Variants in NGRN observed in about 807,000 individuals in gnomAD.
NGRN encodes the protein neugrin, neurite outgrowth associated, also known as neugrin.
A neutral mutation model predicts 13.1 loss-of-function variants in NGRN; 12 were observed. That is an observed-to-expected ratio of 0.92 (90% CI 0.59 to 1.49). The LOEUF is 1.49. NGRN is among the 40% of genes most tolerant of loss of function. The pLI, the probability that NGRN is intolerant of heterozygous loss-of-function variation, is 0.00. For missense variants in NGRN, 397 were observed against 357.0 expected, an observed-to-expected ratio of 1.11 and a Z score of -0.90; for synonymous variants, 149 against 145.8, an observed-to-expected ratio of 1.02 and a Z score of -0.16.
intron 2 of NGRN, among the ~76,000 whole-genome samples, chr15:90,267,895 C>G (rs2006855151): frequency 6.6e-6 from 1 of 152,158 alleles, no homozygotes; most frequent in African/African-American, 2.4e-5. Flanking sequence ...CAGAATGACT[C>G]TGGAATTGAA....
At position 90,272,111 on chromosome 15, in the gene NGRN, T is replaced by C. The variant is rs1434228836; in HGVS notation, c.*323T>C. The C allele has an allele frequency of 3.3e-6, 1 of 303,432 alleles. No individual in the cohort carries two copies. The highest frequency in any genetic ancestry group is 6.2e-6 in the Non-Finnish European group (1 of 162,130). The allele number at this position is 303,432 out of a possible 1,614,324, so 18.8% of individuals were successfully genotyped here. A position where few individuals can be genotyped will look rare whatever the true frequency, so the allele number is the denominator to read the frequency against. On this transcript the variant is annotated 3_prime_UTR_variant, in exon 3 of 3. Transcript: ENST00000379095. ...TTTGAGAAGAAGTGAAAAGTTTGCC[T>C]TCTGACCTCATTTCCTTCTTGATCA... is the stretch of plus-strand genomic sequence containing the variant.
intron 2 of NGRN, among the ~76,000 whole-genome samples, chr15:90,268,405 A>C (rs1201585876): frequency 1.3e-5 from 2 of 151,536 alleles, no homozygotes; most frequent in African/African-American, 2.4e-5. Flanking sequence ...AAAAAAAAAA[A>C]CAGTCCATTA....
chr15:90,270,149 G>T (rs907475762), intron 2 of NGRN, among the ~76,000 whole-genome samples: 1 of 152,112 alleles, frequency 6.6e-6, no homozygotes, highest in African/African-American at 2.4e-5. Flanking sequence ...TCCTGCCTCA[G>T]CCTCTCAAAG....
At position 90,271,174 on chromosome 15, in the gene NGRN, CCTT is replaced by C. The variant is rs760467158; in HGVS notation, c.276-9_276-7del. ...CTTCTTCACAACTTGCAAACCTGCTCCTTCTTCCCGTAGGTATTTACATGAGGA... is the reference window on the plus strand; with the variant it reads ...CTTCTTCACAACTTGCAAACCTGCTCCTTCCCGTAGGTATTTACATGAGGA... On this transcript the variant is annotated splice_polypyrimidine_tract_variant and intron_variant, in intron 2 of 2. Transcript: ENST00000379095. 445 of 1,600,450 alleles carry C rather than the reference CCTT, an allele frequency of 2.8e-4. No homozygotes were observed. The highest frequency in any genetic ancestry group is 3.6e-4 in the Non-Finnish European group (419 of 1,173,394).
At chr15:90,269,286 G>C (rs1284281857) in intron 2 of NGRN, among the ~76,000 whole-genome samples, 1 of 150,558 alleles carries the variant, frequency 6.6e-6, no homozygotes, top group Non-Finnish European at 1.5e-5. Context: ...AAAGTGCTGG[G>C]ATTACAGGCG....
At chr15:90,267,992 C>CT (rs1424108264) in intron 2 of NGRN, among the ~76,000 whole-genome samples, 2 of 151,688 alleles carry the variant, frequency 1.3e-5, no homozygotes, top group East Asian at 1.9e-4. Context: ...TCTAGCTCCT[C>CT]TTTTTTTCGT....
In NGRN at chr15:90,266,344, A is replaced by C. The variant is rs933187991; in HGVS notation, c.221A>C (p.Glu74Ala). Residue 74 changes from glutamate (E) to alanine (A), a missense_variant, in exon 2 of 3, where the codon GAG (glutamate) becomes GCG (alanine). Coordinates refer to ENST00000379095, the MANE Select transcript of NGRN (RefSeq NM_001033088.3). The part of the protein sequence containing the change: ...IRFQKIRRQM[E>A]APGAPPRTLT... The stretch of plus-strand genomic sequence containing the variant: ...TTCCAGAAAATTCGGAGGCAAATGG[A>C]GGCGCCTGGTGCCCCGCCCAGGACC... The C allele has an allele frequency of 6.2e-7, 1 of 1,613,816 alleles. No individual in the cohort carries two copies. Among genetic ancestry groups the C allele is most frequent in the African/African-American group, 1.3e-5 (1 of 74,908 alleles).
At chr15:90,265,966 C>T in intron 1 of NGRN, 90 bp downstream of exon 1, 1 of 1,421,360 alleles carries the variant, frequency 7.0e-7, no homozygotes, top group Non-Finnish European at 9.1e-7. Flanking sequence ...GGTGTCCTGC[C>T]GCTGCTTGCG....
In NGRN at chr15:90,271,359, G is replaced by A. The variant is rs758682740; in HGVS notation, c.447G>A (p.Ser149=). 1.7e-5 allele frequency: 28 copies of A among 1,613,896 alleles called. No homozygotes were observed. The highest frequency in any genetic ancestry group is 4.0e-5 in the African/African-American group (3 of 74,892). The change falls in exon 3 of 3, where the codon TCG becomes TCA. Residue 149 remains serine, a synonymous_variant. Transcript: ENST00000379095. Reference sequence around the variant, plus strand: ...TTAAGAAAGCTGGGCTTGCCCACTCGCTGCAGCACCTCCGGGGCTCTGGAA... The same window carrying A: ...TTAAGAAAGCTGGGCTTGCCCACTCACTGCAGCACCTCCGGGGCTCTGGAA... ...KVLKKAGLAH[S]LQHLRGSGNT...
Position 90,271,290 on chromosome 15 carries a change from T to G in NGRN, c.378T>G (p.Phe126Leu). Residue 126 changes from phenylalanine (F) to leucine (L), a missense_variant, in exon 3 of 3, where the codon TTT (phenylalanine) becomes TTG (leucine). Physicochemically the swap from Phe to Leu is conservative, Grantham distance 22. Coordinates refer to ENST00000379095, the MANE Select transcript of NGRN (RefSeq NM_001033088.3). Reference protein sequence around the residue: ...DVIRRVLKSKFLPTLEQKLKQ... With the variant: ...DVIRRVLKSKLLPTLEQKLKQ... Reference sequence around the variant, plus strand: ...TCCGAAGAGTTTTAAAAAGCAAGTTTTTACCCACATTGGAGCAGAAGCTGA... The same window carrying G: ...TCCGAAGAGTTTTAAAAAGCAAGTTGTTACCCACATTGGAGCAGAAGCTGA... 6.2e-7 allele frequency: 1 copy of G among 1,614,044 alleles called. No homozygotes were observed. The highest frequency in any genetic ancestry group is 8.5e-7 in the Non-Finnish European group (1 of 1,180,012).
At chr15:90,269,214 C>T (rs1382931951) in intron 2 of NGRN, among the ~76,000 whole-genome samples, 1 of 131,252 alleles carries the variant, frequency 7.6e-6, no homozygotes, top group Non-Finnish European at 1.5e-5. Flanking sequence ...TTGGGTTCAG[C>T]GTGTTGGCCA....
chr15:90,266,025 T>G (rs1963412116), intron 1 of NGRN, 149 bp downstream of exon 1: 2 of 1,390,398 alleles, frequency 1.4e-6, no homozygotes, highest in Middle Eastern at 5.3e-4. Context: ...CAGCGTCAGG[T>G]GTTCAGCTCC....
Position 90,271,662 on chromosome 15 carries a change from T to A in NGRN, c.750T>A (p.Gly250=), listed in dbSNP as rs370104771. 7 of 1,614,136 alleles carry A rather than the reference T, an allele frequency of 4.3e-6. No homozygotes were observed. The highest frequency in any genetic ancestry group is 1.3e-5 in the African/African-American group (1 of 75,044). The change falls in exon 3 of 3, where the codon GGT becomes GGA. Residue 250 remains glycine (G), a synonymous_variant. Transcript: ENST00000379095. ...DSESPRGTGS[G]ALPSGQKLEE... The stretch of plus-strand genomic sequence containing the variant: ...AGAGCCCCAGAGGAACTGGCAGTGG[T>A]GCGTTGCCAAGTGGTCAGAAGCTGG...
In NGRN at chr15:90,271,870, A is replaced by T; in HGVS notation, c.*82A>T. 1 of 1,543,350 alleles carries T rather than the reference A, an allele frequency of 6.5e-7. No individual in the cohort carries two copies. ...TATATGGAACAGCCTGGATTTCTGCATATGGATAAGCCACCTTGGAATAGG... is the reference window on the plus strand; with the variant it reads ...TATATGGAACAGCCTGGATTTCTGCTTATGGATAAGCCACCTTGGAATAGG... On this transcript the variant is annotated 3_prime_UTR_variant, in exon 3 of 3. Transcript: ENST00000379095.
chr15:90,267,952 C>A (rs1244192153), intron 2 of NGRN, among the ~76,000 whole-genome samples: 3 of 152,100 alleles, frequency 2.0e-5, no homozygotes, highest in African/African-American at 7.2e-5. Flanking sequence ...ATTTTGTGAG[C>A]CTGTAGCACC....
At position 90,265,774 on chromosome 15, in the gene NGRN, G is replaced by A. The variant is rs768254098; in HGVS notation, c.62G>A (p.Gly21Glu). The A allele has an allele frequency of 2.5e-6, 4 of 1,613,134 alleles. No individual in the cohort carries two copies. The highest frequency in any genetic ancestry group is 2.5e-6 in the Non-Finnish European group (3 of 1,179,804). ...GRVCAAVTRCGFATRGVAGPG... is the reference protein window; with the variant it reads ...GRVCAAVTRCEFATRGVAGPG... The stretch of plus-strand genomic sequence containing the variant: ...GTTTGCGCCGCCGTCACTCGCTGTG[G>A]GTTCGCGACCCGGGGGGTGGCGGGC... Residue 21 changes from glycine to glutamate, a missense_variant, in exon 1 of 3, where the codon GGG (glycine) becomes GAG (glutamate). Transcript: ENST00000379095.
chr15:90,265,779 G>C lies in NGRN; in HGVS notation c.67G>C (p.Ala23Pro), dbSNP rs1473772667. ...CGCCGCCGTCACTCGCTGTGGGTTCGCGACCCGGGGGGTGGCGGGCCCAGG... is the reference window on the plus strand; with the variant it reads ...CGCCGCCGTCACTCGCTGTGGGTTCCCGACCCGGGGGGTGGCGGGCCCAGG... The part of the protein sequence containing the change: ...VCAAVTRCGF[A>P]TRGVAGPGPI... The change falls in exon 1 of 3, where the codon GCG becomes CCG. Residue 23 changes from alanine (A) to proline (P), a missense_variant. Coordinates refer to ENST00000379095, the MANE Select transcript of NGRN (RefSeq NM_001033088.3). The C allele has an allele frequency of 3.1e-6, 5 of 1,612,970 alleles. No individual in the cohort carries two copies. In the Admixed American group the frequency reaches 8.3e-5, roughly 27 times the overall value.
chr15:90,271,574 T>A lies in NGRN; in HGVS notation c.662T>A (p.Phe221Tyr), dbSNP rs1963505330. The A allele has an allele frequency of 6.2e-7, 1 of 1,614,096 alleles. No individual in the cohort carries two copies. Among genetic ancestry groups the A allele is most frequent in the Non-Finnish European group, 8.5e-7 (1 of 1,180,020 alleles). The change falls in exon 3 of 3, where the codon TTT becomes TAT. Residue 221 changes from phenylalanine (F) to tyrosine (Y), a missense_variant. Phe to Tyr is a conservative substitution (Grantham distance 22). Coordinates refer to ENST00000379095, the MANE Select transcript of NGRN (RefSeq NM_001033088.3). ...NKEIQDLEES[F>Y]VPVAAPLGHP... The stretch of plus-strand genomic sequence containing the variant: ...GAAATCCAGGACCTGGAGGAGAGCT[T>A]TGTGCCTGTTGCTGCACCCCTAGGT...
rs200072806 is a variant in NGRN, at chr15:90,271,183, C to T, written c.276-5C>T. 3.2e-4 allele frequency: 509 copies of T among 1,604,652 alleles called. 2 individuals carry two copies. The highest frequency in any genetic ancestry group is 4.0e-4 in the Non-Finnish European group (470 of 1,175,464). On this transcript the variant is annotated splice_region_variant and splice_polypyrimidine_tract_variant and intron_variant, in intron 2 of 2. Coordinates refer to ENST00000379095, the MANE Select transcript of NGRN (RefSeq NM_001033088.3). ...AACTTGCAAACCTGCTCCTTCTTCC[C>T]GTAGGTATTTACATGAGGAATTTCC...
Sources: allele counts gnomAD v4.1 joint callset (sites outside exome capture counted in the v4.1 genomes callset), GRCh38; gene constraint gnomAD v4.1.1; transcripts MANE v1.5; gene names NCBI Gene and HGNC (gene_info 2026-07-23, HGNC 2026-07-21).